Variants in CSMD1 observed in about 807,000 individuals in gnomAD.
CSMD1 encodes the protein CUB and sushi domain-containing protein 1.
A neutral mutation model predicts 417.5 loss-of-function variants in CSMD1; 213 were observed. The ratio of observed to expected loss-of-function variants is 0.51; its 90% CI spans 0.46 to 0.57. CSMD1 has a LOEUF of 0.57. CSMD1 is among the 20% of genes least tolerant of loss of function. The pLI is 0.00. For missense variants in CSMD1, 6,923 were observed against 4,529.7 expected (o/e 1.53, Z -15.17); for synonymous variants, 2,862 against 1,736.8 (o/e 1.65, Z -16.11).
At chr8:4,920,504 T>C (rs984939581) in intron 1 of CSMD1, among the ~76,000 whole-genome samples, 47 of 152,246 alleles carry the variant, frequency 3.1e-4, no homozygotes, top group African/African-American at 1.0e-3. Flanking sequence ...AAGGATTTAG[T>C]TACTGGGGAC....
chr8:3,550,519 G>A lies in CSMD1; in HGVS notation c.1344+24426C>T, dbSNP rs533781116. 6.6e-5 allele frequency among the ~76,000 whole-genome samples: 10 copies of A among 152,304 alleles called. No homozygotes were observed. In the South Asian group the frequency reaches 1.2e-3, roughly 19 times the overall value. ...AGTAATGTTTCCATACATATAAGGT[G>A]TAGTGATTCACTCAGGGTGATTAGC... is the stretch of plus-strand genomic sequence containing the variant. On this transcript the variant is annotated intron_variant, in intron 10 of 69. Coordinates refer to ENST00000635120, the MANE Select transcript of CSMD1 (RefSeq NM_033225.6).
chr8:2,947,777 T>C (rs1802352244), intron 68 of CSMD1, among the ~76,000 whole-genome samples: 3 of 152,208 alleles, frequency 2.0e-5, no homozygotes, highest in African/African-American at 7.2e-5. Context: ...TCATTAGTGT[T>C]GGTCTAATGC....
chr8:4,281,797 A>C (rs1796798684), intron 3 of CSMD1, among the ~76,000 whole-genome samples: 1 of 152,228 alleles, frequency 6.6e-6, no homozygotes, highest in South Asian at 2.1e-4. Context: ...ATTAAAACTT[A>C]ATCTTATTAC....
Position 2,986,813 on chromosome 8 carries a change from A to ATT in CSMD1, c.8378-8015_8378-8014dup, listed in dbSNP as rs1376020967. Among the ~76,000 whole-genome samples the ATT allele has an allele frequency of 2.0e-5, 3 of 152,118 alleles. No homozygotes were observed. The East Asian group carries it at 5.8e-4, about 29-fold the overall frequency. ...GCCACCGCGCCCGGCTCTCTAGTTC[A>ATT]TTTTTTACCAAAGAAAATATGCCTA... On this transcript the variant is annotated intron_variant, in intron 54 of 69. Coordinates refer to ENST00000635120, the MANE Select transcript of CSMD1 (RefSeq NM_033225.6).
At chr8:4,366,054 T>C (rs1470361808) in intron 3 of CSMD1, among the ~76,000 whole-genome samples, 2 of 152,138 alleles carry the variant, frequency 1.3e-5, no homozygotes, top group Non-Finnish European at 2.9e-5. Context: ...ACCTGACAGA[T>C]AGCCTTCCAA....
At chr8:3,146,094 C>G (rs75601543) in intron 40 of CSMD1, among the ~76,000 whole-genome samples, 2,880 of 152,122 alleles carry the variant, frequency 0.019, 90 homozygotes, top group African/African-American at 0.066. Flanking sequence ...TCTAAAGAAC[C>G]TTTTATATTG....
intron 18 of CSMD1, among the ~76,000 whole-genome samples, chr8:3,379,859 C>T (rs1174079725): frequency 6.6e-6 from 1 of 152,108 alleles, no homozygotes; most frequent in African/African-American, 2.4e-5. Flanking sequence ...ATGACTAAAA[C>T]ACCAAAAAGC....
At chr8:2,981,344 G>C (rs1016906402) in intron 54 of CSMD1, among the ~76,000 whole-genome samples, 1 of 152,212 alleles carries the variant, frequency 6.6e-6, no homozygotes, top group Non-Finnish European at 1.5e-5. Flanking sequence ...AGTGACAGGT[G>C]AGCTATTGGT....
chr8:3,829,027 TAA>T (rs752944231), intron 5 of CSMD1, among the ~76,000 whole-genome samples: 5 of 151,236 alleles, frequency 3.3e-5, no homozygotes, highest in African/African-American at 9.7e-5. Context: ...TCTTTTTTTT[TAA>T]AAAAATGTAT....
chr8:3,081,276 T>A (rs1814078231), intron 49 of CSMD1, among the ~76,000 whole-genome samples: 1 of 152,218 alleles, frequency 6.6e-6, no homozygotes, highest in South Asian at 2.1e-4. Flanking sequence ...GAAGAACGAA[T>A]GTCCTTTATG....
chr8:3,936,457 G>C (rs935089208), intron 5 of CSMD1, among the ~76,000 whole-genome samples: 5 of 152,126 alleles, frequency 3.3e-5, no homozygotes, highest in Admixed American at 6.6e-5. Context: ...ATGCAACTCA[G>C]GATTTTAAGT....
chr8:4,573,967 C>G (rs1799012877), intron 2 of CSMD1, among the ~76,000 whole-genome samples: 1 of 152,188 alleles, frequency 6.6e-6, no homozygotes, highest in Non-Finnish European at 1.5e-5. Context: ...GCAGACATCC[C>G]TCTCTCCACC....
In CSMD1 at chr8:3,348,086, T is replaced by C. The variant is rs1425870080; in HGVS notation, c.3380A>G (p.Asn1127Ser). 2 of 1,612,782 alleles carry C rather than the reference T, an allele frequency of 1.2e-6. No homozygotes were observed. Among genetic ancestry groups the C allele is most frequent in the South Asian group, 2.2e-5 (2 of 90,878 alleles). ...TTCTATTTTATAGATACACTCATGGTTATTATCATAATTGGATGGAAAATT... is the reference window on the plus strand; with the variant it reads ...TTCTATTTTATAGATACACTCATGGCTATTATCATAATTGGATGGAAAATT... ...SPNFPSNYDN[N>S]HECIYKIETE... Residue 1127 changes from asparagine (N) to serine (S), a missense_variant, in exon 22 of 70, where the codon AAC becomes AGC. Coordinates refer to ENST00000635120, the MANE Select transcript of CSMD1 (RefSeq NM_033225.6).
intron 12 of CSMD1, among the ~76,000 whole-genome samples, chr8:3,454,306 A>G (rs1815960651): frequency 6.6e-6 from 1 of 152,184 alleles, no homozygotes. Flanking sequence ...CATTTGGCCC[A>G]TTTACATTTA....
chr8:4,619,644 G>A (rs1342819845), intron 2 of CSMD1, among the ~76,000 whole-genome samples: 2 of 152,152 alleles, frequency 1.3e-5, no homozygotes, highest in Non-Finnish European at 2.9e-5. Context: ...AGCCACATGG[G>A]ACGTCATATT....
At chr8:4,173,014 G>C (rs114872450) in intron 3 of CSMD1, among the ~76,000 whole-genome samples, 125 of 152,198 alleles carry the variant, frequency 8.2e-4, no homozygotes, top group African/African-American at 2.9e-3. Flanking sequence ...AATAATAAAT[G>C]CTTGGTATTT....
At chr8:4,686,634 A>G (rs532843890) in intron 1 of CSMD1, among the ~76,000 whole-genome samples, 13 of 152,348 alleles carry the variant, frequency 8.5e-5, no homozygotes, top group African/African-American at 2.9e-4. Context: ...CATCAAAGCC[A>G]TAAGTGAAAT....
At chr8:4,626,001 G>C (rs1213712621) in intron 2 of CSMD1, among the ~76,000 whole-genome samples, 1 of 152,126 alleles carries the variant, frequency 6.6e-6, no homozygotes, top group African/African-American at 2.4e-5. Flanking sequence ...TGGGATTATA[G>C]GCATGAGTCA....
rs565874383 is a variant in CSMD1 at position 4,096,194 on chromosome 8, C to T, written c.416-64095G>A. Among the ~76,000 whole-genome samples, 6 of 152,150 alleles carry T rather than the reference C, an allele frequency of 3.9e-5. No individual in the cohort carries two copies. In the South Asian group the frequency reaches 1.2e-3, roughly 32 times the overall value. On this transcript the variant is annotated intron_variant, in intron 3 of 69. Transcript: ENST00000635120. ...TCAGTTTTTCTCTTCAAAATGGAAC[C>T]ACTGAGATGAAACTCTTAATAATTA...
Sources: allele counts gnomAD v4.1 joint callset (sites outside exome capture counted in the v4.1 genomes callset), GRCh38; gene constraint gnomAD v4.1.1; transcripts MANE v1.5; gene names NCBI Gene and HGNC (gene_info 2026-07-23, HGNC 2026-07-21).